Variants in CCDC178 observed in about 807,000 individuals in gnomAD.
CCDC178 encodes coiled-coil domain-containing protein 178.
In CCDC178, 126 loss-of-function variants were observed where a neutral mutation model predicts 117.4. That is an observed-to-expected ratio of 1.07 (90% CI 0.93 to 1.24). CCDC178 has a LOEUF of 1.24. Among genes scored for constraint, CCDC178 ranks in the 50% most tolerant of loss-of-function variants. The probability of loss-of-function intolerance (pLI) is 0.00; values close to 1 mark genes in which losing one functional copy is unlikely to be tolerated. For missense variants in CCDC178, 1,030 were observed against 986.9 expected, an observed-to-expected ratio of 1.04 and a Z score of -0.59; for synonymous variants, 283 against 313.4, an observed-to-expected ratio of 0.90 and a Z score of 1.02.
rs190853384 is a variant in CCDC178, at chr18:33,335,985, T to C, written c.659-2591A>G. On this transcript the variant is annotated intron_variant, in intron 9 of 22. Transcript: ENST00000383096. ...TTAGTCTTGTAGAGCAAATGTGCCT[T>C]TGATCCTGTCAGTTGCCTGACTTTA... Among the ~76,000 whole-genome samples, 411 of 152,270 alleles carry C rather than the reference T, an allele frequency of 2.7e-3. 1 individual carries two copies. Among genetic ancestry groups the C allele is most frequent in the Middle Eastern group, 0.01 (3 of 294 alleles).
Position 32,982,853 on chromosome 18 carries a change from C to T in CCDC178, c.2389-8172G>A, listed in dbSNP as rs191612790. On this transcript the variant is annotated intron_variant, in intron 21 of 22. Coordinates refer to ENST00000383096, the MANE Select transcript of CCDC178 (RefSeq NM_001105528.4). Reference sequence around the variant, plus strand: ...AGCAGAGCACACAGGGTTTTTAGGGCGGTGAAAATATTTTGTATGATACCA... The same window carrying T: ...AGCAGAGCACACAGGGTTTTTAGGGTGGTGAAAATATTTTGTATGATACCA... 6.1e-4 allele frequency among the ~76,000 whole-genome samples: 93 copies of T among 152,056 alleles called. 1 individual carries two copies. The highest frequency in any genetic ancestry group is 1.2e-3 in the South Asian group (6 of 4,820).
At chr18:33,440,213 C>T (rs950351541) in intron 1 of CCDC178, 132 bp from the exon 2 acceptor site, 1 of 151,476 alleles carries the variant, frequency 6.6e-6, no homozygotes, top group Non-Finnish European at 1.5e-5. Context: ...ACGCTAGAGA[C>T]GCAGTTACAG....
At chr18:33,363,030 T>C (rs2063151938) in intron 6 of CCDC178, among the ~76,000 whole-genome samples, 1 of 151,834 alleles carries the variant, frequency 6.6e-6, no homozygotes, top group Non-Finnish European at 1.5e-5. Context: ...ACTAATGAGA[T>C]ATTTTTAAAA....
intron 9 of CCDC178, among the ~76,000 whole-genome samples, chr18:33,339,844 G>A (rs953691622): frequency 1.1e-4 from 16 of 152,140 alleles, no homozygotes; most frequent in Admixed American, 3.3e-4. Context: ...CAGCCATATG[G>A]GACTGTAACT....
At chr18:33,428,095 A>G (rs2064146267) in intron 2 of CCDC178, among the ~76,000 whole-genome samples, 1 of 152,216 alleles carries the variant, frequency 6.6e-6, no homozygotes, top group South Asian at 2.1e-4. Context: ...CTGTTTTATT[A>G]TGACATAGCT....
intron 5 of CCDC178, among the ~76,000 whole-genome samples, chr18:33,377,038 T>C (rs2063376194): frequency 2.0e-5 from 3 of 152,188 alleles, no homozygotes; most frequent in Non-Finnish European, 2.9e-5. Flanking sequence ...CTGCTTTCCA[T>C]AGTGGCTAAA....
intron 20 of CCDC178, among the ~76,000 whole-genome samples, chr18:33,119,127 T>G (rs943318274): frequency 6.6e-6 from 1 of 152,076 alleles, no homozygotes; most frequent in African/African-American, 2.4e-5. Context: ...CATAGGTATG[T>G]GCAAGGACTT....
At chr18:33,296,882 A>T (rs2062112308) in intron 11 of CCDC178, among the ~76,000 whole-genome samples, 1 of 151,996 alleles carries the variant, frequency 6.6e-6, no homozygotes. Context: ...AAATTAGCCG[A>T]GAGTGGTGTC....
chr18:33,139,893 C>T (rs2058178933), intron 20 of CCDC178, among the ~76,000 whole-genome samples: 1 of 152,132 alleles, frequency 6.6e-6, no homozygotes, highest in African/African-American at 2.4e-5. Flanking sequence ...CATCACAGGC[C>T]TGGAGACCTA....
chr18:32,938,413 C>T (rs552724162), intron 22 of CCDC178: 1 of 199,726 alleles, frequency 5.0e-6, no homozygotes. Context: ...GCAAATTTGT[C>T]ACATAGAGAA....
At chr18:33,257,031 T>C (rs1253761715) in intron 14 of CCDC178, among the ~76,000 whole-genome samples, 1 of 152,116 alleles carries the variant, frequency 6.6e-6, no homozygotes, top group African/African-American at 2.4e-5. Flanking sequence ...TTGTTTCTGA[T>C]AACTTCAATT....
At chr18:33,055,119 C>CT (rs1047559741) in intron 21 of CCDC178, among the ~76,000 whole-genome samples, 3 of 151,696 alleles carry the variant, frequency 2.0e-5, no homozygotes, top group Non-Finnish European at 2.9e-5. Context: ...CTTTTTAATG[C>CT]TTTTTTTTCT....
Position 33,418,911 on chromosome 18 carries a change from CA to C in CCDC178, c.-22-6802del, listed in dbSNP as rs372401293. On this transcript the variant is annotated intron_variant, in intron 2 of 22. Transcript: ENST00000383096. ...ATATTGTTAAAATGGCCACATTTCC[CA>C]AAGCAATTTACAGATTCATTGCTAT... 1.8e-3 allele frequency among the ~76,000 whole-genome samples: 272 copies of C among 152,190 alleles called. 2 individuals carry two copies. The highest frequency in any genetic ancestry group is 6.1e-3 in the African/African-American group (252 of 41,524).
chr18:32,981,673 G>A (rs2144716352), intron 21 of CCDC178, among the ~76,000 whole-genome samples: 1 of 152,194 alleles, frequency 6.6e-6, no homozygotes, highest in South Asian at 2.1e-4. Flanking sequence ...GTGACCATCT[G>A]TCAAAATATA....
chr18:33,306,366 G>A (rs1468630909), intron 11 of CCDC178, among the ~76,000 whole-genome samples: 1 of 149,678 alleles, frequency 6.7e-6, no homozygotes, highest in African/African-American at 2.5e-5. Flanking sequence ...GTGAGTTTGT[G>A]TTATTATCTC....
At chr18:33,239,901 T>A (rs76910103) in intron 15 of CCDC178, among the ~76,000 whole-genome samples, 51 of 152,078 alleles carry the variant, frequency 3.4e-4, no homozygotes, top group African/African-American at 1.2e-3. Flanking sequence ...TTTCAATATT[T>A]AGAGAACATT....
At chr18:33,182,068 T>C (rs1287255187) in intron 20 of CCDC178, among the ~76,000 whole-genome samples, 1 of 151,846 alleles carries the variant, frequency 6.6e-6, no homozygotes, top group Non-Finnish European at 1.5e-5. Context: ...GGTAAAAAAA[T>C]GCAAAATAGC....
chr18:33,279,508 G>A (rs538928062), intron 12 of CCDC178, among the ~76,000 whole-genome samples: 15 of 151,828 alleles, frequency 9.9e-5, no homozygotes, highest in African/African-American at 2.9e-4. Context: ...AATCAATATC[G>A]TGAAAATGAC....
At chr18:33,340,989 C>T (rs149559967) in intron 9 of CCDC178, among the ~76,000 whole-genome samples, 2 of 152,252 alleles carry the variant, frequency 1.3e-5, no homozygotes, top group East Asian at 3.9e-4. Context: ...ATGGTAGATC[C>T]ACCCACAGCT....
Sources: allele counts gnomAD v4.1 joint callset (sites outside exome capture counted in the v4.1 genomes callset), GRCh38; gene constraint gnomAD v4.1.1; transcripts MANE v1.5; gene names NCBI Gene and HGNC (gene_info 2026-07-23, HGNC 2026-07-21).